Variants in RGS6 observed in about 807,000 individuals in gnomAD.
RGS6 encodes the protein regulator of G-protein signaling 6.
RGS6 carries 30 observed loss-of-function variants against 78.5 expected under a neutral mutation model. That is an observed-to-expected ratio of 0.38 (90% CI 0.29 to 0.52). RGS6 has a LOEUF of 0.52. RGS6 is among the 20% of genes least tolerant of loss of function. RGS6 has a pLI of 0.85. For missense variants in RGS6, 495 were observed against 609.7 expected (o/e 0.81, Z 1.98); for synonymous variants, 206 against 206.0 (o/e 1.00, Z 0.00).
intron 2 of RGS6, among the ~76,000 whole-genome samples, chr14:72,191,926 C>T (rs1464673959): frequency 6.6e-6 from 1 of 152,262 alleles, no homozygotes; most frequent in East Asian, 1.9e-4. Context: ...CCACCCTGAG[C>T]CCCAAGGTGG....
intron 2 of RGS6, among the ~76,000 whole-genome samples, chr14:72,156,075 CTGAG>C (rs1468223614): frequency 1.3e-5 from 2 of 152,184 alleles, no homozygotes; most frequent in Non-Finnish European, 2.9e-5. Flanking sequence ...TACAGTCTAC[CTGAG>C]TAATTCCAAT....
intron 2 of RGS6, among the ~76,000 whole-genome samples, chr14:72,227,604 A>T (rs982043132): frequency 3.9e-5 from 6 of 152,198 alleles, no homozygotes; most frequent in Admixed American, 2.6e-4. Context: ...CGTAAGTTGT[A>T]ATTTGGCCTT....
the RGS6 span, among the ~76,000 whole-genome samples, chr14:72,619,640 C>G: frequency 6.6e-6 from 1 of 152,298 alleles, no homozygotes; most frequent in Admixed American, 6.5e-5. Context: ...AAGCTCACAC[C>G]TCCCGGTCAT....
intron 2 of RGS6, among the ~76,000 whole-genome samples, chr14:72,300,578 T>C (rs2065845322): frequency 6.6e-6 from 1 of 152,238 alleles, no homozygotes; most frequent in South Asian, 2.1e-4. Flanking sequence ...ACTTTAGTTG[T>C]TGACTAAGCA....
intron 3 of RGS6, among the ~76,000 whole-genome samples, chr14:72,418,903 T>C (rs1261802092): frequency 6.6e-6 from 1 of 152,170 alleles, no homozygotes; most frequent in East Asian, 1.9e-4. Context: ...CATATCAAAT[T>C]GTGCAATTTA....
chr14:71,956,918 T>A (rs919330322), intron 1 of RGS6, among the ~76,000 whole-genome samples: 22 of 152,320 alleles, frequency 1.4e-4, no homozygotes, highest in Non-Finnish European at 2.8e-4. Flanking sequence ...GTAAAAGTGC[T>A]GTGTGTTCAA....
At chr14:72,489,078 T>C (rs1238112892) in intron 12 of RGS6, among the ~76,000 whole-genome samples, 4 of 152,192 alleles carry the variant, frequency 2.6e-5, no homozygotes, top group African/African-American at 9.7e-5. Context: ...AGTGGATGTC[T>C]TTTATTTGAG....
intron 2 of RGS6, among the ~76,000 whole-genome samples, chr14:72,148,000 A>G (rs968245713): frequency 5.9e-5 from 9 of 152,018 alleles, no homozygotes; most frequent in South Asian, 2.1e-4. Flanking sequence ...GCATGGTGGC[A>G]GGCGTCTGTA....
At chr14:72,464,431 G>A (rs571813452) in intron 6 of RGS6, among the ~76,000 whole-genome samples, 2 of 152,340 alleles carry the variant, frequency 1.3e-5, no homozygotes, top group East Asian at 1.9e-4. Context: ...GGAAGCAGAA[G>A]TGTGGGCATA....
intron 3 of RGS6, among the ~76,000 whole-genome samples, chr14:72,423,378 C>G (rs1032349740): frequency 6.6e-6 from 1 of 151,918 alleles, no homozygotes. Flanking sequence ...TGTCTGGTCT[C>G]TAATTATAAG....
chr14:71,917,461 C>T, the RGS6 span, among the ~76,000 whole-genome samples: 22 of 152,046 alleles, frequency 1.4e-4, no homozygotes, highest in African/African-American at 5.1e-4. Flanking sequence ...AATCAGAGCA[C>T]GAATTAATCA....
At chr14:72,371,509 C>T (rs569706245) in intron 3 of RGS6, among the ~76,000 whole-genome samples, 19 of 152,258 alleles carry the variant, frequency 1.2e-4, no homozygotes, top group Admixed American at 1.0e-3. Context: ...TGCCTATAAT[C>T]GCAGCACTTT....
chr14:72,287,172 A>T (rs1332829755), intron 2 of RGS6, among the ~76,000 whole-genome samples: 1 of 152,192 alleles, frequency 6.6e-6, no homozygotes, highest in Non-Finnish European at 1.5e-5. Flanking sequence ...TTGTTTCCTG[A>T]TATTTCACTG....
chr14:72,035,950 G>A (rs1476852139), intron 2 of RGS6, among the ~76,000 whole-genome samples: 1 of 151,988 alleles, frequency 6.6e-6, no homozygotes, highest in Non-Finnish European at 1.5e-5. Flanking sequence ...TGTAACCACT[G>A]CCATAATGAG....
At chr14:71,990,032 AC>A (rs1462161697) in intron 2 of RGS6, among the ~76,000 whole-genome samples, 2 of 152,168 alleles carry the variant, frequency 1.3e-5, no homozygotes, top group African/African-American at 4.8e-5. Flanking sequence ...GAAGCATGGC[AC>A]CGGCATCAAC....
At chr14:72,580,516 G>A in the RGS6 span, among the ~76,000 whole-genome samples, 3 of 152,152 alleles carry the variant, frequency 2.0e-5, no homozygotes, top group Non-Finnish European at 2.9e-5. Context: ...GCCCTGGGAG[G>A]AATGCACAGC....
intron 3 of RGS6, among the ~76,000 whole-genome samples, chr14:72,370,241 A>C (rs1187861240): frequency 6.6e-6 from 1 of 152,172 alleles, no homozygotes; most frequent in African/African-American, 2.4e-5. Context: ...ATAAACATCC[A>C]TAGATATGAT....
At chr14:72,203,439 G>T (rs2042022574) in intron 2 of RGS6, among the ~76,000 whole-genome samples, 1 of 152,170 alleles carries the variant, frequency 6.6e-6, no homozygotes, top group African/African-American at 2.4e-5. Context: ...CAGCACTGTG[G>T]GTAAAGGATC....
intron 2 of RGS6, among the ~76,000 whole-genome samples, chr14:72,180,169 C>A (rs1250865716): frequency 6.6e-6 from 1 of 152,218 alleles, no homozygotes; most frequent in Admixed American, 6.5e-5. Flanking sequence ...CTGCCAAGGA[C>A]TACTGTGATC....
Sources: allele counts gnomAD v4.1 joint callset (sites outside exome capture counted in the v4.1 genomes callset), GRCh38; gene constraint gnomAD v4.1.1; transcripts MANE v1.5; gene names NCBI Gene and HGNC (gene_info 2026-07-23, HGNC 2026-07-21).